The following GLCE variants were observed in gnomAD, a reference collection of about 807,000 sequenced individuals.
The protein encoded by GLCE is glucuronic acid epimerase.
GLCE carries 19 observed loss-of-function variants against 47.9 expected under a neutral mutation model. The observed-to-expected ratio is 0.40, with a 90% confidence interval of 0.28 to 0.58. The LOEUF is 0.58. Among genes scored for constraint, GLCE ranks in the 20% least tolerant of loss-of-function variants. The pLI, the probability that GLCE is intolerant of heterozygous loss-of-function variation, is 0.48. For synonymous variants in GLCE, 245 were observed against 263.4 expected (o/e 0.93, Z 0.68); for missense variants, 556 against 743.3 (o/e 0.75, Z 2.93).
chr15:69,212,724 G>A (rs550419213), intron 2 of GLCE, among the ~76,000 whole-genome samples: 1 of 152,100 alleles, frequency 6.6e-6, no homozygotes, highest in African/African-American at 2.4e-5. Context: ...GTTAGTTACA[G>A]TAGCTATTTG....
chr15:69,201,237 C>T (rs1294378709), intron 1 of GLCE, among the ~76,000 whole-genome samples: 1 of 152,084 alleles, frequency 6.6e-6, no homozygotes, highest in Non-Finnish European at 1.5e-5. Flanking sequence ...TGTAAGGTAA[C>T]TTAGGTTCCA....
chr15:69,217,209 A>G (rs1038351512), intron 2 of GLCE, among the ~76,000 whole-genome samples: 3 of 151,898 alleles, frequency 2.0e-5, no homozygotes, highest in Admixed American at 6.6e-5. Flanking sequence ...TTGTGTATAT[A>G]TAACTTACAT....
intron 2 of GLCE, among the ~76,000 whole-genome samples, chr15:69,250,072 A>AT (rs752828642): frequency 2.0e-4 from 30 of 151,582 alleles, no homozygotes; most frequent in Non-Finnish European, 2.9e-4. Flanking sequence ...AGGTTTCAAG[A>AT]TTTTTTTTTA....
intron 1 of GLCE, among the ~76,000 whole-genome samples, chr15:69,161,568 C>G (rs1275733162): frequency 6.6e-6 from 1 of 152,192 alleles, no homozygotes; most frequent in Non-Finnish European, 1.5e-5. Flanking sequence ...GCTGGGTCCG[C>G]TGAGGGCGGG....
At chr15:69,196,124 A>G (rs1242309495) in intron 1 of GLCE, among the ~76,000 whole-genome samples, 2 of 152,120 alleles carry the variant, frequency 1.3e-5, no homozygotes, top group Non-Finnish European at 2.9e-5. Flanking sequence ...CAGATATCTC[A>G]GGGAAGAACA....
At chr15:69,166,933 AG>A (rs1483318188) in intron 1 of GLCE, among the ~76,000 whole-genome samples, 7 of 111,954 alleles carry the variant, frequency 6.3e-5, no homozygotes, top group African/African-American at 2.1e-4. Flanking sequence ...AAAAAAAAAA[AG>A]GCCGGGTGCG....
chr15:69,247,352 C>T (rs536655939), intron 2 of GLCE, among the ~76,000 whole-genome samples: 10 of 152,348 alleles, frequency 6.6e-5, no homozygotes, highest in African/African-American at 2.4e-4. Context: ...AGCTTCCTCA[C>T]CTCTCTCAGC....
At position 69,193,556 on chromosome 15, in the gene GLCE, C is replaced by A. The variant is rs1040353781; in HGVS notation, c.-104-16760C>A. Among the ~76,000 whole-genome samples, 7 of 151,880 alleles carry A rather than the reference C, an allele frequency of 4.6e-5. No homozygotes were observed. In the East Asian group the frequency reaches 1.4e-3, roughly 29 times the overall value. ...TCAGGATCTCAAACTTCAGATTTTG[C>A]TCAGATTTTGTTTCAAATTTTTGTA... On this transcript the variant is annotated intron_variant, in intron 1 of 4. Transcript: ENST00000261858.
chr15:69,207,783 A>G (rs907828163), intron 1 of GLCE, among the ~76,000 whole-genome samples: 2 of 152,052 alleles, frequency 1.3e-5, no homozygotes, highest in Non-Finnish European at 1.5e-5. Flanking sequence ...CTGCTGTGTC[A>G]TATGATAAAT....
Position 69,255,769 on chromosome 15 carries a change from AT to A in GLCE, c.-13-17del, listed in dbSNP as rs756861490. The A allele has an allele frequency of 8.5e-5, 117 of 1,379,734 alleles. 1 individual carries two copies. The Admixed American group carries it at 1.8e-3, about 22-fold the overall frequency. The allele number at this position is 1,379,734 out of a possible 1,614,324, so 85.5% of individuals were successfully genotyped here. On this transcript the variant is annotated intron_variant, in intron 2 of 4. Coordinates refer to ENST00000261858, the MANE Select transcript of GLCE (RefSeq NM_015554.3). ...AATGCCGGTAGTACATCTTTGCATG[AT>A]TTTTTTTCTTCTTGCCTCCATAGGT...
intron 1 of GLCE, among the ~76,000 whole-genome samples, chr15:69,173,868 A>AT (rs2051622744): frequency 6.6e-6 from 1 of 151,982 alleles, no homozygotes; most frequent in Non-Finnish European, 1.5e-5. Flanking sequence ...TAGATTTTTT[A>AT]TTTTTTTGAG....
intron 1 of GLCE, among the ~76,000 whole-genome samples, chr15:69,193,073 C>T (rs979622121): frequency 1.3e-5 from 2 of 151,114 alleles, no homozygotes; most frequent in African/African-American, 4.9e-5. Flanking sequence ...TCTCAGGCAT[C>T]TGCCCCCTCC....
At chr15:69,240,237 TCCCGCCACTGCACTCCAGC>T (rs2052647774) in intron 2 of GLCE, among the ~76,000 whole-genome samples, 2 of 145,938 alleles carry the variant, frequency 1.4e-5, no homozygotes, top group East Asian at 4.0e-4. Context: ...ACCGCCGAGA[TCCCGCCACTGCACTCCAGC>T]CTGGGCGACA....
At chr15:69,225,848 T>C (rs2052438511) in intron 2 of GLCE, among the ~76,000 whole-genome samples, 1 of 152,192 alleles carries the variant, frequency 6.6e-6, no homozygotes, top group Admixed American at 6.5e-5. Context: ...AAACTTTTTC[T>C]TAAATACACA....
chr15:69,215,646 T>G (rs2052297143), intron 2 of GLCE, among the ~76,000 whole-genome samples: 1 of 152,130 alleles, frequency 6.6e-6, no homozygotes, highest in South Asian at 2.1e-4. Flanking sequence ...CTTAAGTGTA[T>G]AGTTAACTTT....
intron 1 of GLCE, among the ~76,000 whole-genome samples, chr15:69,171,376 G>T (rs1397487561): frequency 2.0e-5 from 3 of 151,374 alleles, no homozygotes; most frequent in African/African-American, 7.3e-5. Flanking sequence ...TTAGGGAAAA[G>T]ATATTTACTT....
In GLCE at chr15:69,265,190, T is replaced by C. The variant is rs562260325; in HGVS notation, c.830-3030T>C. Among the ~76,000 whole-genome samples the C allele has an allele frequency of 8.5e-5, 13 of 152,118 alleles. No individual in the cohort carries two copies. In the South Asian group the frequency reaches 2.7e-3, roughly 32 times the overall value. On this transcript the variant is annotated intron_variant, in intron 4 of 4. Coordinates refer to ENST00000261858, the MANE Select transcript of GLCE (RefSeq NM_015554.3). ...ATATATGTGTCACATATACCAAAAA[T>C]AAACAGTTATAGTAACTACTGGGAA...
intron 2 of GLCE, among the ~76,000 whole-genome samples, chr15:69,233,508 A>G (rs988291212): frequency 6.6e-6 from 1 of 152,226 alleles, no homozygotes. Context: ...CCCAGGCACT[A>G]GTAATGGGGG....
At chr15:69,224,977 A>G (rs1398787839) in intron 2 of GLCE, among the ~76,000 whole-genome samples, 1 of 152,154 alleles carries the variant, frequency 6.6e-6, no homozygotes, top group South Asian at 2.1e-4. Context: ...AGTAAACTCA[A>G]CATAAGTGAT....
Sources: gnomAD v4.1 joint callset for allele counts (sites outside exome capture counted in the v4.1 genomes callset) on GRCh38, gnomAD v4.1.1 for gene constraint, MANE v1.5 for transcripts, NCBI Gene and HGNC (gene_info 2026-07-23, HGNC 2026-07-21) for gene names.